The following SUMF1 variants were observed in gnomAD, a reference collection of about 807,000 sequenced individuals.
The protein encoded by SUMF1 is formylglycine-generating enzyme.
A neutral mutation model predicts 47.6 loss-of-function variants in SUMF1; 48 were observed. That is an observed-to-expected ratio of 1.01 (90% CI 0.80 to 1.28). SUMF1 has a LOEUF of 1.28. SUMF1 is among the 50% of genes most tolerant of loss of function. SUMF1 has a pLI of 0.00. For synonymous variants in SUMF1, 230 were observed against 192.1 expected (o/e 1.20, Z -1.63); for missense variants, 571 against 485.4 (o/e 1.18, Z -1.66).
chr3:4,227,079 C>T (rs563987024), intron 8 of SUMF1, among the ~76,000 whole-genome samples: 100 of 152,212 alleles, frequency 6.6e-4, no homozygotes, highest in African/African-American at 2.3e-3. Context: ...ACAACCCCTG[C>T]CCCATTCTAG....
intron 7 of SUMF1, among the ~76,000 whole-genome samples, chr3:4,388,052 G>A (rs1441397614): frequency 6.6e-6 from 1 of 152,040 alleles, no homozygotes. Flanking sequence ...CAGTTATAGG[G>A]TAGACAGTGC....
chr3:4,291,151 T>C (rs536525988), intron 8 of SUMF1, among the ~76,000 whole-genome samples: 3 of 152,264 alleles, frequency 2.0e-5, no homozygotes, highest in South Asian at 2.1e-4. Context: ...AACTCTATCA[T>C]GGTGCACTGC....
At position 4,126,752 on chromosome 3, in the gene SUMF1, C is replaced by A. The variant is rs1048419632; in HGVS notation, c.1015-58007G>T. Among the ~76,000 whole-genome samples the A allele has an allele frequency of 3.3e-4, 50 of 152,194 alleles. 1 individual carries two copies. Among genetic ancestry groups the A allele is most frequent in the African/African-American group, 1.1e-3 (45 of 41,542 alleles). The stretch of plus-strand genomic sequence containing the variant: ...CCTATAATATAAGGAAAGTAAAAAA[C>A]AAGACAGTTAAATTGAAAAGATATT... On this transcript the variant is annotated intron_variant and NMD_transcript_variant, in intron 8 of 12. Transcript: ENST00000448413.
At chr3:4,426,449 T>C (rs929092520) in intron 3 of SUMF1, among the ~76,000 whole-genome samples, 1 of 152,220 alleles carries the variant, frequency 6.6e-6, no homozygotes, top group South Asian at 2.1e-4. Context: ...CCATCCAAAC[T>C]CACTAGACGT....
chr3:4,208,966 G>A (rs923615661), intron 8 of SUMF1, among the ~76,000 whole-genome samples: 2 of 151,916 alleles, frequency 1.3e-5, no homozygotes, highest in African/African-American at 4.8e-5. Context: ...TAGTTTTCTT[G>A]TGATGTCTTT....
At chr3:4,133,413 C>A (rs780666610) in intron 8 of SUMF1, among the ~76,000 whole-genome samples, 1 of 151,940 alleles carries the variant, frequency 6.6e-6, no homozygotes, top group African/African-American at 2.4e-5. Context: ...AAGGGGTGAA[C>A]TTGTGATAGT....
chr3:4,458,715 C>T (rs1028173352), intron 1 of SUMF1, among the ~76,000 whole-genome samples: 1 of 151,980 alleles, frequency 6.6e-6, no homozygotes, highest in Non-Finnish European at 1.5e-5. Context: ...CTTAGCCAGG[C>T]GTTGGTGGCG....
chr3:4,203,266 C>T (rs1332743118), intron 8 of SUMF1, among the ~76,000 whole-genome samples: 1 of 151,926 alleles, frequency 6.6e-6, no homozygotes, highest in African/African-American at 2.4e-5. Context: ...TATTTGGGTG[C>T]TTCAGTGTTG....
rs983998471 is a variant in SUMF1, at chr3:4,416,219, T to C, written c.840+909A>G. Among the ~76,000 whole-genome samples the C allele has an allele frequency of 6.6e-5, 10 of 152,334 alleles. No individual in the cohort carries two copies. The South Asian group carries it at 1.9e-3, about 28-fold the overall frequency. On this transcript the variant is annotated intron_variant, in intron 6 of 8. Transcript: ENST00000272902. ...CCCAGAAAGTTTTCTAGACTTTGAA[T>C]TATTTCACTGCTGGGAATCTAATCT...
At chr3:4,449,384 A>C in intron 2 of SUMF1, 44 bp from the exon 3 acceptor site, 1 of 1,585,352 alleles carries the variant, frequency 6.3e-7, no homozygotes, top group Non-Finnish European at 8.7e-7. Context: ...AGGTTGTAGT[A>C]ATGTGTTGCA....
chr3:4,407,085 G>GACACACACACAC (rs113556805), intron 7 of SUMF1, among the ~76,000 whole-genome samples: 81 of 148,652 alleles, frequency 5.4e-4, no homozygotes, highest in African/African-American at 1.9e-3. Flanking sequence ...ACACACATGG[G>GACACACACACAC]ACACACACAC....
intron 8 of SUMF1, among the ~76,000 whole-genome samples, chr3:4,105,305 T>A (rs1052416042): frequency 2.6e-5 from 4 of 152,254 alleles, no homozygotes; most frequent in African/African-American, 9.6e-5. Flanking sequence ...GATTTTGAGA[T>A]CTCTCGCATA....
chr3:4,162,234 A>G (rs947756145), intron 8 of SUMF1, among the ~76,000 whole-genome samples: 5 of 152,110 alleles, frequency 3.3e-5, no homozygotes, highest in Admixed American at 3.3e-4. Flanking sequence ...AAGTGGAAGA[A>G]AGGAGTTTCT....
At chr3:4,295,461 T>C (rs573425088) in intron 8 of SUMF1, among the ~76,000 whole-genome samples, 4 of 152,006 alleles carry the variant, frequency 2.6e-5, no homozygotes, top group South Asian at 2.1e-4. Context: ...TGCCTTATTA[T>C]AGATGAGAAG....
rs1200425956 is a variant in SUMF1, at chr3:4,281,609, C to G, written c.1014+94721G>C. ...AAATCTCAGAGAGATGTTTACAGTT[C>G]AGGGATGAGAGAAAATAATTAGAAG... On this transcript the variant is annotated intron_variant and NMD_transcript_variant, in intron 8 of 12. Coordinates refer to the SUMF1 transcript ENST00000448413. Among the ~76,000 whole-genome samples the G allele has an allele frequency of 2.0e-5, 3 of 151,944 alleles. No individual in the cohort carries two copies. The East Asian group carries it at 5.8e-4, about 29-fold the overall frequency.
At chr3:4,128,764 G>A (rs1216385408) in intron 8 of SUMF1, among the ~76,000 whole-genome samples, 12 of 152,144 alleles carry the variant, frequency 7.9e-5, no homozygotes, top group Admixed American at 6.5e-5. Context: ...GAACGGGCAT[G>A]GGAATGGATA....
chr3:4,311,380 T>C (rs1698398057), intron 8 of SUMF1, among the ~76,000 whole-genome samples: 1 of 152,224 alleles, frequency 6.6e-6, no homozygotes, highest in Non-Finnish European at 1.5e-5. Context: ...CTTTAAAATC[T>C]ATCCCCAATG....
At chr3:4,273,363 T>C (rs1559639673) in intron 8 of SUMF1, among the ~76,000 whole-genome samples, 2 of 152,154 alleles carry the variant, frequency 1.3e-5, no homozygotes, top group South Asian at 4.1e-4. Flanking sequence ...AAAGTACTGA[T>C]ACATGCTACA....
In SUMF1 at chr3:4,167,264, G is replaced by A. The variant is rs565907783; in HGVS notation, c.1015-98519C>T. 9.2e-5 allele frequency among the ~76,000 whole-genome samples: 14 copies of A among 151,916 alleles called. No homozygotes were observed. The East Asian group carries it at 9.7e-4, about 11-fold the overall frequency. ...CCACAGCATGGAAGGGGACCCAGGTGGGTTGCTGCTGCTGGCTGGGGTGGC... is the reference window on the plus strand; with the variant it reads ...CCACAGCATGGAAGGGGACCCAGGTAGGTTGCTGCTGCTGGCTGGGGTGGC... On this transcript the variant is annotated intron_variant and NMD_transcript_variant, in intron 8 of 12. Coordinates refer to the SUMF1 transcript ENST00000448413.
Sources: gnomAD v4.1 joint callset for allele counts (sites outside exome capture counted in the v4.1 genomes callset) on GRCh38, gnomAD v4.1.1 for gene constraint, MANE v1.5 for transcripts, NCBI Gene and HGNC (gene_info 2026-07-23, HGNC 2026-07-21) for gene names.